SVOPL: variants seen among roughly 807,000 people sequenced by gnomAD.
SVOPL encodes the protein SVOP like, also known as putative transporter SVOPL.
A neutral mutation model predicts 61.0 loss-of-function variants in SVOPL; 60 were observed. The observed-to-expected ratio is 0.98, with a 90% CI of 0.80 to 1.22. SVOPL has a LOEUF of 1.22. Among genes scored for constraint, SVOPL ranks in the 50% most tolerant of loss-of-function variants. The probability of loss-of-function intolerance (pLI) is 0.00; values close to 1 mark genes in which losing one functional copy is unlikely to be tolerated. For missense variants in SVOPL, 662 were observed against 643.9 expected, an observed-to-expected ratio of 1.03 and a Z score of -0.30; for synonymous variants, 279 against 250.0, an observed-to-expected ratio of 1.12 and a Z score of -1.09.
chr7:138,613,236 T>C (rs1385582222), intron 14 of SVOPL, among the ~76,000 whole-genome samples: 1 of 151,976 alleles, frequency 6.6e-6, no homozygotes, highest in Non-Finnish European at 1.5e-5. Flanking sequence ...GCCAGGCTGG[T>C]CTCGAACCCC....
intron 1 of SVOPL, among the ~76,000 whole-genome samples, chr7:138,686,576 T>G (rs911859433): frequency 1.3e-5 from 2 of 149,406 alleles, no homozygotes; most frequent in African/African-American, 4.9e-5. Flanking sequence ...TTTTTTTTTT[T>G]TTTTTTGAGA....
chr7:138,655,270 G>A (rs565063217), intron 7 of SVOPL, among the ~76,000 whole-genome samples: 54 of 152,190 alleles, frequency 3.5e-4, no homozygotes, highest in South Asian at 3.3e-3. Context: ...TTGGGAGGCC[G>A]AGGCGGGTGG....
chr7:138,622,160 G>T (rs71550683), intron 13 of SVOPL, among the ~76,000 whole-genome samples: 1 of 18,432 alleles, frequency 5.4e-5, no homozygotes, highest in African/African-American at 1.9e-4. Flanking sequence ...GTATCTATCT[G>T]TCTATGTATC....
intron 14 of SVOPL, among the ~76,000 whole-genome samples, chr7:138,616,305 A>C (rs1799297780): frequency 6.6e-6 from 1 of 151,770 alleles, no homozygotes; most frequent in Non-Finnish European, 1.5e-5. Flanking sequence ...GAGGCCTTGC[A>C]CTGGTCCCTT....
chr7:138,615,560 CAAAAAA>C (rs770404185), intron 14 of SVOPL, among the ~76,000 whole-genome samples: 6 of 5,542 alleles, frequency 1.1e-3, no homozygotes, highest in African/African-American at 1.7e-3. Context: ...ACTCCGTCTC[CAAAAAA>C]AAAAAAAAAA....
rs1799642723 is a variant in SVOPL at position 138,622,094 on chromosome 7, CTATCTATCTATCTATCTATCTATCTATG to C, written c.1264-987_1264-960del. Among the ~76,000 whole-genome samples the C allele has an allele frequency of 1.1e-4, 5 of 46,772 alleles. 1 individual carries two copies. The highest frequency in any genetic ancestry group is 2.8e-4 in the African/African-American group (3 of 10,688). 30.7% of individuals were successfully genotyped at this position (46,772 alleles called of 152,430 possible). A position where few individuals can be genotyped will look rare whatever the true frequency, so the allele number is the denominator to read the frequency against. On this transcript the variant is annotated intron_variant, in intron 13 of 15. Transcript: ENST00000674285. ...TGTATCTATCTATCTATCTATGTAT[CTATCTATCTATCTATCTATCTATCTATG>C]TATCTATCTATCTATGTATCTATCT...
At chr7:138,605,459 T>TTC (rs1371718431) in intron 14 of SVOPL, among the ~76,000 whole-genome samples, 1 of 151,844 alleles carries the variant, frequency 6.6e-6, no homozygotes, top group African/African-American at 2.4e-5. Context: ...GTCAGGAGCT[T>TTC]GAGATCAGCC....
At position 138,601,548 on chromosome 7, in the gene SVOPL, G is replaced by T. The variant is rs180867057; in HGVS notation, c.1354-5018C>A. ...TACTGCATGCTCTCTCTTATATGTG[G>T]AATCTAAAAAAGAAAAAAAAAATCA... On this transcript the variant is annotated intron_variant, in intron 14 of 15. Transcript: ENST00000674285. Among the ~76,000 whole-genome samples the T allele has an allele frequency of 2.0e-3, 298 of 151,660 alleles. 1 individual carries two copies. The highest frequency in any genetic ancestry group is 6.9e-3 in the African/African-American group (287 of 41,350).
chr7:138,692,345 A>C (rs966159026), intron 1 of SVOPL, among the ~76,000 whole-genome samples: 1 of 152,182 alleles, frequency 6.6e-6, no homozygotes, highest in African/African-American at 2.4e-5. Context: ...ATGGGAGGTG[A>C]AGCTGCAGAG....
At chr7:138,693,402 C>T (rs967700418) in intron 1 of SVOPL, among the ~76,000 whole-genome samples, 1 of 150,950 alleles carries the variant, frequency 6.6e-6, no homozygotes, top group Admixed American at 6.6e-5. Flanking sequence ...ACTTAGAGGG[C>T]TGAGGCAGGA....
rs772258226 is a variant in SVOPL at position 138,644,764 on chromosome 7, T to C, written c.742A>G (p.Met248Val). The change falls in exon 9 of 16, where the codon ATG (methionine) becomes GTG (valine). Residue 248 changes from methionine to valine, a missense_variant. Physicochemically the swap from Met to Val is conservative, Grantham distance 21 (BLOSUM62 1). Coordinates refer to ENST00000674285, the MANE Select transcript of SVOPL (RefSeq NM_001139456.2). ...ALATLERVAKMNRSVMPEGKL... is the reference protein window; with the variant it reads ...ALATLERVAKVNRSVMPEGKL... ...CCCTCCGGCATGACCGAGCGGTTCATCTTGGCAACGCGCTCCAGAGTGGCC... is the reference window on the plus strand; with the variant it reads ...CCCTCCGGCATGACCGAGCGGTTCACCTTGGCAACGCGCTCCAGAGTGGCC... The C allele has an allele frequency of 1.5e-5, 25 of 1,614,134 alleles. 1 individual carries two copies. The highest frequency in any genetic ancestry group is 2.1e-5 in the Non-Finnish European group (25 of 1,180,026).
At chr7:138,625,294 C>G (rs373286186) in intron 13 of SVOPL, 2 of 152,242 alleles carry the variant, frequency 1.3e-5, no homozygotes, top group East Asian at 1.9e-4. Flanking sequence ...AATCTTTAAT[C>G]GCAATAGACT....
intron 14 of SVOPL, among the ~76,000 whole-genome samples, chr7:138,619,064 G>A (rs983917300): frequency 6.6e-6 from 1 of 152,100 alleles, no homozygotes; most frequent in Admixed American, 6.5e-5. Context: ...CCTAATGAAA[G>A]CTTGGAAAAT....
rs1229252118 is a variant in SVOPL at position 138,596,654 on chromosome 7, T to G, written c.1354-124A>C. 5.6e-6 allele frequency: 8 copies of G among 1,419,718 alleles called. No homozygotes were observed. In the Admixed American group the frequency reaches 1.9e-4, roughly 33 times the overall value. 87.9% of individuals were successfully genotyped at this position (1,419,718 alleles called of 1,614,324 possible). ...GGTCCTTTGCAGCCATTCTACAGGT[T>G]GTACCTTCCTGACAAATTGATTTAT... On this transcript the variant is annotated intron_variant, in intron 14 of 15. Coordinates refer to ENST00000674285, the MANE Select transcript of SVOPL (RefSeq NM_001139456.2).
chr7:138,661,859 TATTA>T, intron 5 of SVOPL: 1 of 984,690 alleles, frequency 1.0e-6, no homozygotes, highest in South Asian at 4.7e-5. Context: ...TCCCTACTTA[TATTA>T]ATTTCGTCTC....
intron 7 of SVOPL, among the ~76,000 whole-genome samples, chr7:138,653,182 G>A (rs551233448): frequency 1.6e-4 from 24 of 152,330 alleles, no homozygotes; most frequent in African/African-American, 5.5e-4. Context: ...TTTAAGGGAA[G>A]ACGCTGTCTC....
rs561389728 is a variant in SVOPL at position 138,619,069 on chromosome 7, G to A, written c.1353+1977C>T. On this transcript the variant is annotated intron_variant, in intron 14 of 15. Coordinates refer to ENST00000674285, the MANE Select transcript of SVOPL (RefSeq NM_001139456.2). ...GAACTCAATTCCTAATGAAAGCTTGGAAAATGAACTAAGCCTCAGTTCAGT... is the reference window on the plus strand; with the variant it reads ...GAACTCAATTCCTAATGAAAGCTTGAAAAATGAACTAAGCCTCAGTTCAGT... Among the ~76,000 whole-genome samples, 334 of 152,198 alleles carry A rather than the reference G, an allele frequency of 2.2e-3. 1 individual carries two copies. The highest frequency in any genetic ancestry group is 7.7e-3 in the African/African-American group (320 of 41,524).
At position 138,660,396 on chromosome 7, in the gene SVOPL, C is replaced by A. The variant is rs890187569; in HGVS notation, c.346-408G>T. Reference sequence around the variant, plus strand: ...ATTATAAGGATAAATTCATAGTAAACAATACAGAAGAAAAAAGAAAATTAA... The same window carrying A: ...ATTATAAGGATAAATTCATAGTAAAAAATACAGAAGAAAAAAGAAAATTAA... On this transcript the variant is annotated intron_variant, in intron 5 of 15. Coordinates refer to ENST00000674285, the MANE Select transcript of SVOPL (RefSeq NM_001139456.2). 9 of 987,336 alleles carry A rather than the reference C, an allele frequency of 9.1e-6. No homozygotes were observed. In the African/African-American group the frequency reaches 1.4e-4, roughly 15 times the overall value. The allele number at this position is 987,336 out of a possible 1,614,324, so 61.2% of individuals were successfully genotyped here. A position where few individuals can be genotyped will look rare whatever the true frequency, so the allele number is the denominator to read the frequency against.
At chr7:138,600,358 G>A (rs1036899856) in intron 14 of SVOPL, among the ~76,000 whole-genome samples, 15 of 152,156 alleles carry the variant, frequency 9.9e-5, no homozygotes, top group African/African-American at 3.6e-4. Flanking sequence ...AGAGCTTTGG[G>A]CAGCTGAGCT....
Sources: gnomAD v4.1 joint callset for allele counts (sites outside exome capture counted in the v4.1 genomes callset) on GRCh38, gnomAD v4.1.1 for gene constraint, MANE v1.5 for transcripts, NCBI Gene and HGNC (gene_info 2026-07-23, HGNC 2026-07-21) for gene names.